NT5C1A: variants seen among roughly 807,000 people sequenced by gnomAD.
The protein encoded by NT5C1A is 5'-nucleotidase, cytosolic IA.
In NT5C1A, 18 loss-of-function variants were observed where a neutral mutation model predicts 31.0. The ratio of observed to expected loss-of-function variants is 0.58; its 90% confidence interval spans 0.40 to 0.86. The LOEUF (loss-of-function observed/expected upper bound fraction) is 0.86, where lower values mean the gene tolerates loss of function less well. Ranked by LOEUF, NT5C1A falls within the 40% of genes least tolerant of loss-of-function variation. The probability of loss-of-function intolerance (pLI) is 0.00; values close to 1 mark genes in which losing one functional copy is unlikely to be tolerated. For missense variants in NT5C1A, 470 were observed against 505.4 expected (o/e 0.93, Z 0.67); for synonymous variants, 185 against 203.6 (o/e 0.91, Z 0.78).
rs1333810844 is a variant in NT5C1A, at chr1:39,661,091, T to C, written c.729A>G (p.Lys243=). The C allele has an allele frequency of 6.3e-7, 1 of 1,581,138 alleles. No homozygotes were observed. The highest frequency in any genetic ancestry group is 8.7e-7 in the Non-Finnish European group (1 of 1,153,278). The change falls in exon 5 of 6, where the codon AAA becomes AAG. Residue 243 remains lysine, a synonymous_variant. Coordinates refer to ENST00000235628, the MANE Select transcript of NT5C1A (RefSeq NM_032526.3). ...FFEHEKAHEN[K]PLAQGPLKGF... ...CTATGGGGAGCACCTGAGCCAGAGG[T>C]TTGTTCTCGTGGGCCTTCTCATGCT... is the stretch of plus-strand genomic sequence containing the variant.
chr1:39,671,854 T>G (rs768801530), intron 1 of NT5C1A, 50 bp downstream of exon 1: 18 of 1,606,044 alleles, frequency 1.1e-5, no homozygotes, highest in Middle Eastern at 1.7e-4. Context: ...TGACCCCTCC[T>G]CCGGGGTAAC....
chr1:39,665,700 T>C, intron 2 of NT5C1A, 50 bp from the exon 3 acceptor site: 2 of 1,583,556 alleles, frequency 1.3e-6, no homozygotes, highest in Non-Finnish European at 1.7e-6. Context: ...GATTGATACC[T>C]GAAGTTGGTG....
chr1:39,665,725 G>A, intron 2 of NT5C1A, 75 bp from the exon 3 acceptor site: 1 of 1,432,562 alleles, frequency 7.0e-7, no homozygotes, highest in South Asian at 1.2e-5. Flanking sequence ...AGGATTCAGT[G>A]AGGGGAGGTG....
At position 39,652,030 on chromosome 1, in the gene NT5C1A, C is replaced by CAAAAAAAAAAAA. The variant is rs61024293; in HGVS notation, c.*7079_*7090dup. On this transcript the variant is annotated 3_prime_UTR_variant, in exon 6 of 6. Transcript: ENST00000235628. ...TGAGTGACAGAGCAAGACTCCGTCT[C>CAAAAAAAAAAAA]AAAAAAAAAAAAAAAAAAAAAAAAA... is the stretch of plus-strand genomic sequence containing the variant. 2.6e-5 allele frequency among the ~76,000 whole-genome samples: 1 copy of CAAAAAAAAAAAA among 37,854 alleles called. No individual in the cohort carries two copies. The highest frequency in any genetic ancestry group is 7.1e-5 in the African/African-American group (1 of 14,054). 24.8% of individuals were successfully genotyped at this position (37,854 alleles called of 152,430 possible).
At chr1:39,660,261 G>C (rs1020956045) in intron 5 of NT5C1A, among the ~76,000 whole-genome samples, 1 of 152,148 alleles carries the variant, frequency 6.6e-6, no homozygotes, top group African/African-American at 2.4e-5. Context: ...GAATATTTAG[G>C]AGCCACAGCG....
chr1:39,660,447 G>A (rs1159764134), intron 5 of NT5C1A, among the ~76,000 whole-genome samples: 2 of 152,158 alleles, frequency 1.3e-5, no homozygotes, highest in African/African-American at 2.4e-5. Flanking sequence ...GCAGTTTGAG[G>A]GTGAGTGAGG....
intron 5 of NT5C1A, 55 bp downstream of exon 5, chr1:39,661,024 C>T: frequency 9.4e-7 from 1 of 1,064,052 alleles, no homozygotes; most frequent in Admixed American, 1.9e-5. Flanking sequence ...AGGCCAAGGG[C>T]AGGTCTGGGG....
At position 39,653,220 on chromosome 1, in the gene NT5C1A, C is replaced by T. The variant is rs1646442188; in HGVS notation, c.*5901G>A. ...GGGTTAGGAGCCAAGACTTTCTTGG[C>T]CAGAGGTTGGGGGCTGGTCTCGGTG... On this transcript the variant is annotated 3_prime_UTR_variant, in exon 6 of 6. Coordinates refer to ENST00000235628, the MANE Select transcript of NT5C1A (RefSeq NM_032526.3). 6.6e-6 allele frequency among the ~76,000 whole-genome samples: 1 copy of T among 151,216 alleles called. No individual in the cohort carries two copies. Among genetic ancestry groups the T allele is most frequent in the Non-Finnish European group, 1.5e-5 (1 of 67,880 alleles).
In NT5C1A at chr1:39,659,272, T is replaced by C. The variant is rs1466402571; in HGVS notation, c.956A>G (p.Glu319Gly). The C allele has an allele frequency of 6.2e-7, 1 of 1,613,992 alleles. No individual in the cohort carries two copies. Among genetic ancestry groups the C allele is most frequent in the Non-Finnish European group, 8.5e-7 (1 of 1,180,056 alleles). ...LAGAPKGPLL[E>G]KIRPHIFFDD... The stretch of plus-strand genomic sequence containing the variant: ...AAAGAAGATGTGTGGGCGGATCTTC[T>C]CAAGGAGAGGGCCCTTGGGCGCTCC... The change falls in exon 6 of 6, where the codon GAG becomes GGG. Residue 319 changes from glutamate to glycine, a missense_variant. Physicochemically the swap from Glu to Gly is moderately conservative, Grantham distance 98. Transcript: ENST00000235628.
At position 39,659,175 on chromosome 1, in the gene NT5C1A, C is replaced by T; in HGVS notation, c.1053G>A (p.Val351=). The stretch of plus-strand genomic sequence containing the variant: ...GTGCAGTCCGCCGGGGTGTCTGTGC[C>T]ACACCATAAGGCACATGGGCGGCCA... ...GTVAAHVPYG[V]AQTPRRTAPA... Residue 351 remains valine, a synonymous_variant, in exon 6 of 6, where the codon GTG becomes GTA. Coordinates refer to ENST00000235628, the MANE Select transcript of NT5C1A (RefSeq NM_032526.3). 6.2e-7 allele frequency: 1 copy of T among 1,613,712 alleles called. No homozygotes were observed. The highest frequency in any genetic ancestry group is 1.1e-5 in the South Asian group (1 of 91,076).
In NT5C1A at chr1:39,659,502, G is replaced by A. The variant is rs760927161; in HGVS notation, c.742-16C>T. 1 of 1,540,402 alleles carries A rather than the reference G, an allele frequency of 6.5e-7. No individual in the cohort carries two copies. Among genetic ancestry groups the A allele is most frequent in the Non-Finnish European group, 8.7e-7 (1 of 1,143,390 alleles). The stretch of plus-strand genomic sequence containing the variant: ...TTAAGGGGCCCTATGAGAAGGCAAG[G>A]GGAACATTGTTAGCTCTACCACCTC... On this transcript the variant is annotated splice_polypyrimidine_tract_variant and intron_variant, in intron 5 of 5. Coordinates refer to ENST00000235628, the MANE Select transcript of NT5C1A (RefSeq NM_032526.3).
intron 3 of NT5C1A, among the ~76,000 whole-genome samples, chr1:39,664,489 T>TC (rs755549493): frequency 0.017 from 19 of 1,094 alleles, no homozygotes; most frequent in Non-Finnish European, 0.03. Context: ...AGTGGATTTC[T>TC]CCTCCTCTCC....
intron 1 of NT5C1A, among the ~76,000 whole-genome samples, chr1:39,668,682 C>T (rs960772429): frequency 1.3e-5 from 2 of 152,196 alleles, no homozygotes; most frequent in African/African-American, 2.4e-5. Context: ...TTGCTACTTC[C>T]GCCTTCCCTG....
rs955795506 is a variant in NT5C1A, at chr1:39,658,135, G to C, written c.*986C>G. Among the ~76,000 whole-genome samples, 2 of 152,208 alleles carry C rather than the reference G, an allele frequency of 1.3e-5. No homozygotes were observed. Among genetic ancestry groups the C allele is most frequent in the Non-Finnish European group, 2.9e-5 (2 of 68,040 alleles). ...AGGGTCTTGGCAGGCAAGAGCAACT[G>C]AACTTCGGCTCAAAGCAAGAGCAAA... On this transcript the variant is annotated 3_prime_UTR_variant, in exon 6 of 6. Coordinates refer to ENST00000235628, the MANE Select transcript of NT5C1A (RefSeq NM_032526.3).
At chr1:39,670,444 G>A (rs1321532371) in intron 1 of NT5C1A, among the ~76,000 whole-genome samples, 2 of 152,236 alleles carry the variant, frequency 1.3e-5, no homozygotes, top group Non-Finnish European at 2.9e-5. Flanking sequence ...CCTTCAAGCT[G>A]CTAAAATGTC....
intron 3 of NT5C1A, among the ~76,000 whole-genome samples, chr1:39,663,886 AC>A (rs1646504600): frequency 6.6e-6 from 1 of 152,004 alleles, no homozygotes; most frequent in South Asian, 2.1e-4. Context: ...GCAGCCCCTT[AC>A]CCAGGACCTC....
chr1:39,668,357 C>T (rs535314701), intron 1 of NT5C1A, among the ~76,000 whole-genome samples: 5 of 152,318 alleles, frequency 3.3e-5, no homozygotes, highest in African/African-American at 7.2e-5. Context: ...GCTAAGGTCT[C>T]GCTCCTCACT....
chr1:39,666,183 G>A lies in NT5C1A; in HGVS notation c.189C>T (p.Arg63=), dbSNP rs757712583. ...TGTAGATCTGCTGCTCCTCGTCCAT[G>A]CGAAACAAGGCTCGGGAGGACACAG... ...TIAVSSRALF[R]MDEEQQIYTE... is the part of the protein sequence containing the mutation. The change falls in exon 2 of 6, where the codon CGC becomes CGT. Residue 63 remains arginine (R), a synonymous_variant. Coordinates refer to ENST00000235628, the MANE Select transcript of NT5C1A (RefSeq NM_032526.3). 4 of 1,552,124 alleles carry A rather than the reference G, an allele frequency of 2.6e-6. No individual in the cohort carries two copies. In the Admixed American group the frequency reaches 7.3e-5, roughly 29 times the overall value.
chr1:39,659,525 C>T (rs758337481), intron 5 of NT5C1A, 39 bp from the exon 6 acceptor site: 3 of 1,518,426 alleles, frequency 2.0e-6, no homozygotes, highest in Admixed American at 4.4e-5. Flanking sequence ...GCTCTACCAC[C>T]TCCTAAATAT....
Sources: gnomAD v4.1 joint callset for allele counts (sites outside exome capture counted in the v4.1 genomes callset) on GRCh38, gnomAD v4.1.1 for gene constraint, MANE v1.5 for transcripts, NCBI Gene and HGNC (gene_info 2026-07-23, HGNC 2026-07-21) for gene names.